The following COQ8A variants were observed in gnomAD, a reference collection of about 807,000 sequenced individuals.
COQ8A encodes the protein atypical kinase COQ8A, mitochondrial.
COQ8A carries 51 observed loss-of-function variants against 65.0 expected under a neutral mutation model. The observed-to-expected ratio is 0.78, with a 90% CI of 0.63 to 0.99. COQ8A has a LOEUF of 0.99. COQ8A is among the 50% of genes least tolerant of loss of function. COQ8A has a pLI of 0.00. For synonymous variants in COQ8A, 371 were observed against 353.2 expected (o/e 1.05, Z -0.57); for missense variants, 940 against 875.0 (o/e 1.07, Z -0.94).
In COQ8A at chr1:226,982,044, G is replaced by C; in HGVS notation, c.748G>C (p.Gly250Arg). Residue 250 changes from glycine (G) to arginine (R), a missense_variant, in exon 6 of 15, where the codon GGT becomes CGT. By Grantham distance (125) the Gly-to-Arg change is moderately radical. Coordinates refer to ENST00000366777, the MANE Select transcript of COQ8A (RefSeq NM_020247.5). ...EDPSGKKAVL[G>R]SSPFLSEANA... is the part of the protein sequence containing the mutation. The stretch of plus-strand genomic sequence containing the variant: ...GCCCACAGGGAAGAAGGCCGTGCTG[G>C]GTTCCAGTCCTTTCCTGTCCGAGGC... The C allele has an allele frequency of 2.5e-6, 4 of 1,612,932 alleles. No homozygotes were observed. In the Admixed American group the frequency reaches 5.0e-5, roughly 20 times the overall value.
At chr1:226,966,433 T>G (rs1329143474) in intron 4 of COQ8A, among the ~76,000 whole-genome samples, 2 of 152,234 alleles carry the variant, frequency 1.3e-5, no homozygotes. Context: ...GGCCCAGATG[T>G]TCCTGTTAAA....
intron 5 of COQ8A, among the ~76,000 whole-genome samples, chr1:226,978,822 G>GCACCCACCTCTCACC (rs372745238): frequency 0.06 from 4,848 of 81,240 alleles, 647 homozygotes; most frequent in African/African-American, 0.17. Context: ...CACCCTCCAT[G>GCACCCACCTCTCACC]CACACACCTC....
chr1:226,951,360 CAGG>C (rs1293781204), intron 1 of COQ8A, among the ~76,000 whole-genome samples: 1 of 152,174 alleles, frequency 6.6e-6, no homozygotes, highest in African/African-American at 2.4e-5. Context: ...CCTGAAGCGA[CAGG>C]AGGAGGGAGG....
At position 226,985,334 on chromosome 1, in the gene COQ8A, G is replaced by A. The variant is rs1660030734; in HGVS notation, c.1653G>A (p.Glu551=). The A allele has an allele frequency of 1.2e-6, 2 of 1,613,572 alleles. No individual in the cohort carries two copies. Among genetic ancestry groups the A allele is most frequent in the Non-Finnish European group, 1.7e-6 (2 of 1,180,006 alleles). The change falls in exon 14 of 15, where the codon GAG becomes GAA. Residue 551 remains glutamate (E), a synonymous_variant. Coordinates refer to ENST00000366777, the MANE Select transcript of COQ8A (RefSeq NM_020247.5). ...SIEMKFLTGY[E]VKVMEDAHLD... is the part of the protein sequence containing the mutation. ...AGATGAAGTTCCTCACCGGCTACGA[G>A]GTCAAGGTGAGCAGGGTTGCGGGGG...
intron 8 of COQ8A, 193 bp downstream of exon 8, chr1:226,983,227 C>T (rs1353552087): frequency 7.4e-6 from 7 of 945,472 alleles, no homozygotes; most frequent in Non-Finnish European, 9.2e-6. Context: ...AAATGAGTGA[C>T]TTTGGGGGCA....
At chr1:226,955,782 A>G (rs1657687104) in intron 1 of COQ8A, among the ~76,000 whole-genome samples, 1 of 106,406 alleles carries the variant, frequency 9.4e-6, no homozygotes, top group African/African-American at 4.0e-5. Flanking sequence ...CCTGGTTCAC[A>G]CTCTCCCTGG....
rs766101783 is a variant in COQ8A, at chr1:226,986,586, G to A, written c.1793G>A (p.Arg598His). The A allele has an allele frequency of 6.8e-6, 11 of 1,613,612 alleles. No individual in the cohort carries two copies. The highest frequency in any genetic ancestry group is 2.2e-5 in the South Asian group (2 of 91,060). ...CTGATTCCCGTCATGCTGAGGCACC[G>A]TCTCGTCCCCCCACCCGAGGAAACC... ...HNLIPVMLRHRLVPPPEETYS... is the reference protein window; with the variant it reads ...HNLIPVMLRHHLVPPPEETYS... The change falls in exon 15 of 15, where the codon CGT (arginine) becomes CAT (histidine). Residue 598 changes from arginine (R) to histidine (H), a missense_variant. Coordinates refer to ENST00000366777, the MANE Select transcript of COQ8A (RefSeq NM_020247.5).
Position 226,982,693 on chromosome 1 carries a change from A to G in COQ8A, c.869A>G (p.Asn290Ser). Residue 290 changes from asparagine (N) to serine (S), a missense_variant, in exon 7 of 15, where the codon AAC (asparagine) becomes AGC (serine). By Grantham distance (46) the Asn-to-Ser change is conservative (BLOSUM62 1). Coordinates refer to ENST00000366777, the MANE Select transcript of COQ8A (RefSeq NM_020247.5). ...MLSIQDDAFINPHLAKIFERV... is the reference protein window; with the variant it reads ...MLSIQDDAFISPHLAKIFERV... ...TGCCTTCCAGATGATGCCTTTATCAACCCCCACCTGGCTAAGATCTTCGAG... is the reference window on the plus strand; with the variant it reads ...TGCCTTCCAGATGATGCCTTTATCAGCCCCCACCTGGCTAAGATCTTCGAG... 1 of 1,613,164 alleles carries G rather than the reference A, an allele frequency of 6.2e-7. No homozygotes were observed. The highest frequency in any genetic ancestry group is 8.5e-7 in the Non-Finnish European group (1 of 1,179,950).
intron 6 of COQ8A, 181 bp downstream of exon 6, chr1:226,982,330 C>T (rs1659750261): frequency 2.1e-6 from 2 of 946,048 alleles, no homozygotes; most frequent in Admixed American, 2.7e-5. Context: ...CAAAGAAACA[C>T]ATGGAATAAA....
intron 11 of COQ8A, 141 bp from the exon 12 acceptor site, chr1:226,984,407 C>G (rs981231625): frequency 3.1e-6 from 4 of 1,281,504 alleles, no homozygotes; most frequent in Non-Finnish European, 4.4e-6. Context: ...GCTGCCTTCC[C>G]TGGCCCAAGT....
chr1:226,945,268 T>C (rs1331017214), intron 1 of COQ8A, among the ~76,000 whole-genome samples: 2 of 152,206 alleles, frequency 1.3e-5, no homozygotes, highest in African/African-American at 4.8e-5. Context: ...GTGGCCTTGC[T>C]GTTGGTCCTC....
In COQ8A at chr1:226,986,447, C is replaced by CCCCA; in HGVS notation, c.1660-5_1660-2dup. 1 of 1,611,538 alleles carries CCCCA rather than the reference C, an allele frequency of 6.2e-7. No individual in the cohort carries two copies. Among genetic ancestry groups the CCCCA allele is most frequent in the Non-Finnish European group, 8.5e-7 (1 of 1,179,900 alleles). On this transcript the variant is annotated splice_region_variant and splice_polypyrimidine_tract_variant and intron_variant, in intron 14 of 14. Transcript: ENST00000366777. Reference sequence around the variant, plus strand: ...GCCGCCATTTATCCTTCCTCTCTTGCCCCAGGTCATGGAAGACGCCCACTT... The same window carrying CCCCA: ...GCCGCCATTTATCCTTCCTCTCTTGCCCCACCCAGGTCATGGAAGACGCCCACTT...
intron 4 of COQ8A, among the ~76,000 whole-genome samples, chr1:226,966,872 G>T (rs950775689): frequency 7.2e-5 from 11 of 152,134 alleles, no homozygotes; most frequent in African/African-American, 2.4e-4. Context: ...ATGTGTGTGG[G>T]TTCTGACATT....
rs1349356298 is a variant in COQ8A, at chr1:226,961,540, G to A, written c.155G>A (p.Gly52Asp). Residue 52 changes from glycine to aspartate, a missense_variant, in exon 2 of 15, where the codon GGC becomes GAC. By Grantham distance (94) the Gly-to-Asp change is moderately conservative. Transcript: ENST00000366777. ...CAGTCCACGGCTGTGGAGCAGATTG[G>A]CATGTTCTTGGGGAAGGTGCAGGTA... The part of the protein sequence containing the change: ...ALQSTAVEQI[G>D]MFLGKVQGQD... The A allele has an allele frequency of 6.2e-7, 1 of 1,612,886 alleles. No homozygotes were observed. The highest frequency in any genetic ancestry group is 1.7e-5 in the Admixed American group (1 of 60,002).
chr1:226,982,619 G>T, intron 6 of COQ8A, 59 bp from the exon 7 acceptor site: 1 of 1,580,632 alleles, frequency 6.3e-7, no homozygotes, highest in East Asian at 2.2e-5. Context: ...TGCCCGCCCA[G>T]GTCCTGGGCG....
intron 5 of COQ8A, 23 bp downstream of exon 5, chr1:226,977,546 A>T (rs952761954): frequency 6.5e-7 from 1 of 1,550,042 alleles, no homozygotes; most frequent in Non-Finnish European, 8.7e-7. Context: ...CTTCAGTGGG[A>T]GGGGCAGGGT....
At chr1:226,965,637 T>G (rs370519461) in intron 3 of COQ8A, 34 bp from the exon 4 acceptor site, 494 of 1,612,780 alleles carry the variant, frequency 3.1e-4, no homozygotes, top group Non-Finnish European at 4.0e-4. Flanking sequence ...TCCCCTTGGC[T>G]GATTCCACAG....
At chr1:226,962,864 C>T (rs1276902082) in intron 2 of COQ8A, among the ~76,000 whole-genome samples, 1 of 152,230 alleles carries the variant, frequency 6.6e-6, no homozygotes, top group Non-Finnish European at 1.5e-5. Flanking sequence ...GATGAGGAAA[C>T]TGAGGTGAAG....
rs114929246 is a variant in COQ8A, at chr1:226,954,541, C to T, written c.-9-6836C>T. ...GGGGTGTGGCCCAGCACTCTGGACT[C>T]GTCTTAAGGTGATTGAGACGTTCGC... On this transcript the variant is annotated intron_variant, in intron 1 of 14. Coordinates refer to ENST00000366777, the MANE Select transcript of COQ8A (RefSeq NM_020247.5). 4.1e-3 allele frequency among the ~76,000 whole-genome samples: 626 copies of T among 152,360 alleles called. 5 individuals are homozygous for T. Among genetic ancestry groups the T allele is most frequent in the African/African-American group, 0.015 (606 of 41,582 alleles).
Sources: gnomAD v4.1 joint callset for allele counts (sites outside exome capture counted in the v4.1 genomes callset) on GRCh38, gnomAD v4.1.1 for gene constraint, MANE v1.5 for transcripts, NCBI Gene and HGNC (gene_info 2026-07-23, HGNC 2026-07-21) for gene names.